The following PTPN4 variants were observed in gnomAD, a reference collection of about 807,000 sequenced individuals.
PTPN4 encodes protein tyrosine phosphatase non-receptor type 4.
PTPN4 carries 49 observed loss-of-function variants against 135.5 expected under a neutral mutation model. The ratio of observed to expected loss-of-function variants is 0.36; its 90% CI spans 0.29 to 0.46. The LOEUF is 0.46. Among genes scored for constraint, PTPN4 ranks in the 20% least tolerant of loss-of-function variants. The pLI, the probability that PTPN4 is intolerant of heterozygous loss-of-function variation, is 1.00. For missense variants in PTPN4, 860 were observed against 1,101.0 expected, an observed-to-expected ratio of 0.78 and a Z score of 3.10; for synonymous variants, 333 against 369.9, an observed-to-expected ratio of 0.90 and a Z score of 1.14.
intron 10 of PTPN4, 34 bp from the exon 11 acceptor site, chr2:119,915,145 C>T: frequency 6.9e-7 from 1 of 1,450,504 alleles, no homozygotes; most frequent in Admixed American, 2.6e-5. Context: ...TATCATTATT[C>T]AATACTTTGA....
intron 1 of PTPN4, 30 bp from the exon 2 acceptor site, chr2:119,809,807 A>G: frequency 1.3e-6 from 2 of 1,529,638 alleles, no homozygotes; most frequent in Admixed American, 2.2e-5. Flanking sequence ...CGAACCTTTT[A>G]TTTAGTGAAT....
In PTPN4 at chr2:119,765,480, G is replaced by GA. The variant is rs550916039; in HGVS notation, c.-18+5103dup. The stretch of plus-strand genomic sequence containing the variant: ...ACAGTGGTTGTTCTTGTTTTGGGAA[G>GA]AAAAAAATGCTAATTTTATAATTGT... On this transcript the variant is annotated intron_variant, in intron 1 of 26. Coordinates refer to ENST00000263708, the MANE Select transcript of PTPN4 (RefSeq NM_002830.4). Among the ~76,000 whole-genome samples the GA allele has an allele frequency of 1.3e-4, 20 of 152,144 alleles. No individual in the cohort carries two copies. In the South Asian group the frequency reaches 3.9e-3, roughly 30 times the overall value.
chr2:119,934,959 G>A lies in PTPN4; in HGVS notation c.1355+1G>A, dbSNP rs147418905. 6.9e-6 allele frequency: 11 copies of A among 1,601,546 alleles called. No individual in the cohort carries two copies. The highest frequency in any genetic ancestry group is 1.1e-5 in the South Asian group (1 of 88,750). On this transcript the variant is annotated splice_donor_variant, in intron 15 of 26. Coordinates refer to ENST00000263708, the MANE Select transcript of PTPN4 (RefSeq NM_002830.4). LOFTEE classifies it high-confidence loss of function. ...ATAGCATTGTTCTGGAATCATCACC[G>A]TAAGAGCTTTTTTATTTTGCTTCCT...
At chr2:119,925,346 G>A (rs1678807796) in intron 12 of PTPN4, among the ~76,000 whole-genome samples, 1 of 152,172 alleles carries the variant, frequency 6.6e-6, no homozygotes, top group African/African-American at 2.4e-5. Flanking sequence ...GCACAGGACA[G>A]GACTGGGCCT....
At chr2:119,921,868 T>G (rs1678741221) in intron 12 of PTPN4, among the ~76,000 whole-genome samples, 1 of 152,022 alleles carries the variant, frequency 6.6e-6, no homozygotes, top group African/African-American at 2.4e-5. Context: ...TTCTGATTGG[T>G]TACCAGGGTA....
At chr2:119,768,056 AAAG>A (rs1187087272) in intron 1 of PTPN4, among the ~76,000 whole-genome samples, 1 of 152,212 alleles carries the variant, frequency 6.6e-6, no homozygotes, top group African/African-American at 2.4e-5. Flanking sequence ...TATTCTACTG[AAAG>A]AAGATTTTCT....
chr2:119,943,366 T>A (rs1451057648), intron 15 of PTPN4, among the ~76,000 whole-genome samples: 1 of 152,134 alleles, frequency 6.6e-6, no homozygotes, highest in African/African-American at 2.4e-5. Flanking sequence ...GTTATCTTGT[T>A]ATGCTTGATC....
intron 1 of PTPN4, among the ~76,000 whole-genome samples, chr2:119,774,815 G>A (rs539176621): frequency 2.1e-4 from 32 of 151,682 alleles, no homozygotes; most frequent in South Asian, 2.1e-3. Flanking sequence ...TCACGAGGTC[G>A]GGAGTTCGAG....
chr2:119,963,405 C>G (rs1176524511), intron 24 of PTPN4, among the ~76,000 whole-genome samples: 1 of 152,160 alleles, frequency 6.6e-6, no homozygotes, highest in African/African-American at 2.4e-5. Flanking sequence ...ACTTTCTCTG[C>G]CTGCAGCTAG....
chr2:119,763,971 A>G (rs1455045398), intron 1 of PTPN4, among the ~76,000 whole-genome samples: 4 of 152,112 alleles, frequency 2.6e-5, no homozygotes. Flanking sequence ...CTGGTGTGAA[A>G]ATGAAGGGGT....
intron 1 of PTPN4, 134 bp downstream of exon 1, chr2:119,760,518 G>GA (rs1690464096): frequency 2.6e-6 from 1 of 382,576 alleles, no homozygotes; most frequent in East Asian, 3.7e-5. Context: ...TGAAAGGAAG[G>GA]AAAAAAGGAC....
At chr2:119,891,755 A>AC (rs1678244008) in intron 9 of PTPN4, among the ~76,000 whole-genome samples, 1 of 152,148 alleles carries the variant, frequency 6.6e-6, no homozygotes, top group Non-Finnish European at 1.5e-5. Flanking sequence ...AATAATTTGA[A>AC]TTCTTTATTT....
At chr2:119,900,859 T>C (rs187723715) in intron 10 of PTPN4, 53 bp downstream of exon 10, 546 of 1,040,096 alleles carry the variant, frequency 5.2e-4, no homozygotes, top group Non-Finnish European at 7.2e-4. Context: ...CTAAATATAA[T>C]AATTTATATT....
chr2:119,960,794 C>T lies in PTPN4; in HGVS notation c.2134-13C>T. 1 of 1,602,344 alleles carries T rather than the reference C, an allele frequency of 6.2e-7. No homozygotes were observed. Among genetic ancestry groups the T allele is most frequent in the Non-Finnish European group, 8.5e-7 (1 of 1,176,682 alleles). ...ATGCAAAACATTTTATTTTCATGCC[C>T]TTTTCTTTTTAGATGGAAATTCCTT... On this transcript the variant is annotated splice_polypyrimidine_tract_variant and intron_variant, in intron 22 of 26. Transcript: ENST00000263708.
intron 1 of PTPN4, among the ~76,000 whole-genome samples, chr2:119,806,165 A>G (rs1217187450): frequency 1.3e-5 from 2 of 152,234 alleles, no homozygotes; most frequent in Non-Finnish European, 2.9e-5. Context: ...AAGAAACTGC[A>G]TCAACTAATG....
chr2:119,820,303 T>C lies in PTPN4; in HGVS notation c.138+10312T>C, dbSNP rs370263168. On this transcript the variant is annotated intron_variant, in intron 2 of 26. Transcript: ENST00000263708. ...GCATGTCCATCTGTGATAGATGTGA[T>C]CTGTTCTTTGGGAAAGGATGTATGA... 7.3e-4 allele frequency among the ~76,000 whole-genome samples: 111 copies of C among 152,354 alleles called. No individual in the cohort carries two copies. The South Asian group carries it at 0.012, about 16-fold the overall frequency.
At chr2:119,762,106 T>C (rs1414790630) in intron 1 of PTPN4, among the ~76,000 whole-genome samples, 1 of 152,164 alleles carries the variant, frequency 6.6e-6, no homozygotes, top group Non-Finnish European at 1.5e-5. Context: ...TTGAACGTAC[T>C]TGCTAAAAAT....
intron 3 of PTPN4, among the ~76,000 whole-genome samples, chr2:119,874,600 T>C (rs1254947875): frequency 6.6e-6 from 1 of 152,126 alleles, no homozygotes; most frequent in Non-Finnish European, 1.5e-5. Context: ...TTAGTGATTG[T>C]TAGGGGCAAC....
chr2:119,943,323 C>T (rs1679086113), intron 15 of PTPN4, among the ~76,000 whole-genome samples: 1 of 152,078 alleles, frequency 6.6e-6, no homozygotes, highest in South Asian at 2.1e-4. Flanking sequence ...CAGATGTATC[C>T]AAGGGTCACT....
Sources: gnomAD v4.1 joint callset for allele counts (sites outside exome capture counted in the v4.1 genomes callset) on GRCh38, gnomAD v4.1.1 for gene constraint, MANE v1.5 for transcripts, NCBI Gene and HGNC (gene_info 2026-07-23, HGNC 2026-07-21) for gene names.